LRRC4C: variants seen among roughly 807,000 people sequenced by gnomAD.
The protein encoded by LRRC4C is leucine-rich repeat-containing protein 4C.
Under a neutral mutation model 33.6 loss-of-function variants are expected in LRRC4C, and 5 were observed. The observed-to-expected ratio is 0.15, with a 90% CI of 0.08 to 0.31. The LOEUF (loss-of-function observed/expected upper bound fraction) is 0.31. Ranked by LOEUF, LRRC4C falls within the 10% of genes least tolerant of loss-of-function variation. The probability of loss-of-function intolerance (pLI) is 1.00; values close to 1 mark genes in which losing one functional copy is unlikely to be tolerated. For synonymous variants in LRRC4C, 329 were observed against 302.0 expected (o/e 1.09, Z -0.93); for missense variants, 560 against 796.7 (o/e 0.70, Z 3.58).
chr11:40,175,434 C>A (rs1409055900), intron 5 of LRRC4C, among the ~76,000 whole-genome samples: 1 of 152,168 alleles, frequency 6.6e-6, no homozygotes, highest in African/African-American at 2.4e-5. Context: ...TTCTTCTACT[C>A]AAACAAAACA....
At chr11:40,843,228 T>A (rs1409215286) in intron 2 of LRRC4C, among the ~76,000 whole-genome samples, 1 of 152,124 alleles carries the variant, frequency 6.6e-6, no homozygotes, top group African/African-American at 2.4e-5. Flanking sequence ...TCTACTATTA[T>A]TATTCTCATT....
intron 3 of LRRC4C, among the ~76,000 whole-genome samples, chr11:40,605,656 G>C (rs533535903): frequency 6.6e-6 from 1 of 152,064 alleles, no homozygotes; most frequent in Non-Finnish European, 1.5e-5. Flanking sequence ...CAGAATTTTG[G>C]GGTACCTGCC....
intron 1 of LRRC4C, among the ~76,000 whole-genome samples, chr11:41,141,897 C>A (rs190396737): frequency 3.0e-4 from 45 of 151,720 alleles, no homozygotes; most frequent in Admixed American, 1.8e-3. Flanking sequence ...AATTTAGGTA[C>A]AATATGAGGT....
chr11:41,290,524 G>A (rs967853430), intron 1 of LRRC4C, among the ~76,000 whole-genome samples: 6 of 152,126 alleles, frequency 3.9e-5, no homozygotes, highest in Admixed American at 3.9e-4. Flanking sequence ...GCTGCTGAAT[G>A]TATACTATTC....
intron 1 of LRRC4C, among the ~76,000 whole-genome samples, chr11:40,983,248 G>T (rs1286585715): frequency 6.6e-6 from 1 of 152,172 alleles, no homozygotes; most frequent in Admixed American, 6.5e-5. Flanking sequence ...TCACCACACT[G>T]TCTTCCACAA....
At chr11:40,910,863 C>T (rs1956645303) in intron 2 of LRRC4C, among the ~76,000 whole-genome samples, 1 of 152,210 alleles carries the variant, frequency 6.6e-6, no homozygotes, top group Non-Finnish European at 1.5e-5. Flanking sequence ...CTGCGCTTTT[C>T]CAATGGTCTT....
intron 1 of LRRC4C, among the ~76,000 whole-genome samples, chr11:41,256,266 C>T (rs1217602222): frequency 6.6e-6 from 1 of 151,870 alleles, no homozygotes; most frequent in Non-Finnish European, 1.5e-5. Flanking sequence ...ATCAATCAAT[C>T]AATCCATCCA....
intron 5 of LRRC4C, among the ~76,000 whole-genome samples, chr11:40,142,277 C>CAA (rs10577509): frequency 3.3e-5 from 2 of 60,778 alleles, no homozygotes; most frequent in African/African-American, 1.3e-4. Context: ...GATTCTGTCT[C>CAA]AAAAAAAAAA....
chr11:40,870,823 C>G (rs1269190207), intron 2 of LRRC4C, among the ~76,000 whole-genome samples: 1 of 152,162 alleles, frequency 6.6e-6, no homozygotes, highest in East Asian at 1.9e-4. Flanking sequence ...GAAAAAAGAA[C>G]AAGATGACAG....
At chr11:41,223,145 T>C (rs913157498) in intron 1 of LRRC4C, 1 of 152,198 alleles carries the variant, frequency 6.6e-6, no homozygotes, top group African/African-American at 2.4e-5. Context: ...TAGGGGATTT[T>C]ATCATATTTC....
intron 1 of LRRC4C, among the ~76,000 whole-genome samples, chr11:41,396,448 T>C (rs1295669599): frequency 6.6e-6 from 1 of 151,918 alleles, no homozygotes; most frequent in Non-Finnish European, 1.5e-5. Flanking sequence ...ATTTCATGTA[T>C]TCTTTTTTTT....
intron 4 of LRRC4C, among the ~76,000 whole-genome samples, chr11:40,260,556 A>G (rs950612744): frequency 6.6e-6 from 1 of 152,036 alleles, no homozygotes; most frequent in Non-Finnish European, 1.5e-5. Context: ...AAGTAAAAAA[A>G]AAAAATTAAA....
intron 3 of LRRC4C, among the ~76,000 whole-genome samples, chr11:40,524,965 G>C (rs11035892): frequency 6.6e-6 from 1 of 152,030 alleles, no homozygotes. Context: ...ATCAAGGAAG[G>C]CATCCCTCAG....
chr11:40,373,212 A>C (rs1345850610), intron 3 of LRRC4C, among the ~76,000 whole-genome samples: 1 of 152,192 alleles, frequency 6.6e-6, no homozygotes, highest in Non-Finnish European at 1.5e-5. Flanking sequence ...CAAAATAATA[A>C]AGCATTTGTA....
At chr11:41,256,574 G>A (rs1948808217) in intron 1 of LRRC4C, among the ~76,000 whole-genome samples, 1 of 152,090 alleles carries the variant, frequency 6.6e-6, no homozygotes, top group African/African-American at 2.4e-5. Flanking sequence ...TTGATTCATA[G>A]CATTAAAAAG....
chr11:40,909,481 G>A (rs1220780865), intron 2 of LRRC4C, among the ~76,000 whole-genome samples: 1 of 152,072 alleles, frequency 6.6e-6, no homozygotes, highest in Non-Finnish European at 1.5e-5. Flanking sequence ...CAGCAGATCA[G>A]TATCTAAAAC....
At chr11:40,198,866 C>A (rs575719863) in intron 5 of LRRC4C, among the ~76,000 whole-genome samples, 1 of 152,224 alleles carries the variant, frequency 6.6e-6, no homozygotes, top group African/African-American at 2.4e-5. Context: ...AAAATGTAAA[C>A]CATGTGGAAG....
At chr11:40,626,650 G>C (rs1962955832) in intron 3 of LRRC4C, among the ~76,000 whole-genome samples, 1 of 152,048 alleles carries the variant, frequency 6.6e-6, no homozygotes. Flanking sequence ...TTAACATCTG[G>C]GTCCTAAAAC....
chr11:40,274,868 A>G (rs1942985408), intron 4 of LRRC4C, among the ~76,000 whole-genome samples: 1 of 152,162 alleles, frequency 6.6e-6, no homozygotes, highest in Admixed American at 6.6e-5. Flanking sequence ...GCCATTACAA[A>G]GGTGCTGCTA....
Sources: allele counts gnomAD v4.1 joint callset (sites outside exome capture counted in the v4.1 genomes callset), GRCh38; gene constraint gnomAD v4.1.1; transcripts MANE v1.5; gene names NCBI Gene and HGNC (gene_info 2026-07-23, HGNC 2026-07-21).